The following PLCB4 variants were observed in gnomAD, a reference collection of about 807,000 sequenced individuals.
PLCB4 encodes the protein phospholipase C beta 4, also known as 1-phosphatidylinositol 4,5-bisphosphate phosphodiesterase beta-4.
Under a neutral mutation model 178.8 loss-of-function variants are expected in PLCB4, and 77 were observed. That is an observed-to-expected ratio of 0.43 (90% confidence interval 0.36 to 0.52). PLCB4 has a LOEUF of 0.52. PLCB4 is among the 20% of genes least tolerant of loss of function. The probability of loss-of-function intolerance (pLI) is 0.00; values close to 1 mark genes in which losing one functional copy is unlikely to be tolerated. For missense variants in PLCB4, 1,024 were observed against 1,453.4 expected (o/e 0.70, Z 4.80); for synonymous variants, 496 against 490.8 (o/e 1.01, Z -0.14).
chr20:9,080,827 T>G (rs2090107304), intron 1 of PLCB4, among the ~76,000 whole-genome samples: 1 of 152,186 alleles, frequency 6.6e-6, no homozygotes. Context: ...TATGGGGACT[T>G]TCAAATCAAA....
chr20:9,281,983 T>C (rs889861499), intron 3 of PLCB4, among the ~76,000 whole-genome samples: 3 of 152,026 alleles, frequency 2.0e-5, no homozygotes, highest in Admixed American at 6.6e-5. Flanking sequence ...TATAAAATGC[T>C]ATTATAAAAT....
intron 2 of PLCB4, among the ~76,000 whole-genome samples, chr20:9,164,862 G>A (rs567066319): frequency 9.8e-5 from 15 of 152,304 alleles, no homozygotes; most frequent in African/African-American, 3.6e-4. Flanking sequence ...ACTTGAGACT[G>A]ATGGAAACGT....
Position 9,408,712 on chromosome 20 carries a change from T to G in PLCB4, c.1869T>G (p.Phe623Leu). ...LGYLKTHAIE[F>L]VNYNKRQMSR... ...ACTTGAAGACACATGCAATTGAATT[T>G]GTCAAGTATCCTTATGTATCAAGTG... Residue 623 changes from phenylalanine to leucine, a missense_variant, in exon 23 of 40, where the codon TTT becomes TTG. Transcript: ENST00000378473. The G allele has an allele frequency of 6.5e-7, 1 of 1,533,012 alleles. No homozygotes were observed. The highest frequency in any genetic ancestry group is 9.0e-7 in the Non-Finnish European group (1 of 1,106,544). The allele number at this position is 1,533,012 out of a possible 1,614,324, so 95.0% of individuals were successfully genotyped here.
At chr20:9,122,575 T>C (rs2091994040) in intron 2 of PLCB4, among the ~76,000 whole-genome samples, 1 of 152,164 alleles carries the variant, frequency 6.6e-6, no homozygotes, top group African/African-American at 2.4e-5. Context: ...CACAAGACAA[T>C]ATAGATTAAC....
At chr20:9,077,320 C>T (rs2146494506) in intron 1 of PLCB4, among the ~76,000 whole-genome samples, 1 of 152,268 alleles carries the variant, frequency 6.6e-6, no homozygotes, top group South Asian at 2.1e-4. Context: ...AGAAATGGAA[C>T]TATTTGGTCA....
intron 3 of PLCB4, among the ~76,000 whole-genome samples, chr20:9,232,489 A>C (rs1195485437): frequency 6.6e-6 from 1 of 152,148 alleles, no homozygotes; most frequent in Non-Finnish European, 1.5e-5. Context: ...TAAACAAGAA[A>C]ACCATTCAGA....
At chr20:9,452,677 C>T (rs1023690494) in intron 32 of PLCB4, among the ~76,000 whole-genome samples, 4 of 152,226 alleles carry the variant, frequency 2.6e-5, no homozygotes, top group South Asian at 4.1e-4. Flanking sequence ...TCAATGGTTA[C>T]GTGAAGCAGA....
intron 2 of PLCB4, among the ~76,000 whole-genome samples, chr20:9,176,725 T>C (rs991274038): frequency 6.6e-6 from 1 of 152,174 alleles, no homozygotes; most frequent in Non-Finnish European, 1.5e-5. Context: ...TTAAACTACA[T>C]ATAAGTAATT....
At chr20:9,255,941 T>G (rs1483611544) in intron 3 of PLCB4, among the ~76,000 whole-genome samples, 2 of 152,088 alleles carry the variant, frequency 1.3e-5, no homozygotes, top group Non-Finnish European at 2.9e-5. Context: ...CATATATATA[T>G]ATATACACAC....
At chr20:9,234,905 C>A (rs1330033341) in intron 3 of PLCB4, among the ~76,000 whole-genome samples, 1 of 152,156 alleles carries the variant, frequency 6.6e-6, no homozygotes, top group South Asian at 2.1e-4. Context: ...TGTCCTCATG[C>A]ATTTAAAGTA....
At position 9,442,734 on chromosome 20, in the gene PLCB4, T is replaced by C. The variant is rs189766291; in HGVS notation, c.2765-1247T>C. ...CTGCCTCAGTCACTAGAGAGACAGC[T>C]TGTGAAAGCCAACTTAGGAGATCAG... On this transcript the variant is annotated intron_variant, in intron 30 of 39. Coordinates refer to ENST00000378473, the MANE Select transcript of PLCB4 (RefSeq NM_001377142.1). 6.4e-4 allele frequency among the ~76,000 whole-genome samples: 97 copies of C among 152,234 alleles called. No individual in the cohort carries two copies. The Middle Eastern group carries it at 0.01, about 16-fold the overall frequency.
intron 20 of PLCB4, among the ~76,000 whole-genome samples, chr20:9,403,577 G>T (rs1185195574): frequency 6.6e-6 from 1 of 152,228 alleles, no homozygotes; most frequent in East Asian, 1.9e-4. Flanking sequence ...CAGCCATGTG[G>T]TGGAAGATTT....
At chr20:9,194,556 CA>C (rs2093445241) in intron 2 of PLCB4, among the ~76,000 whole-genome samples, 4 of 151,548 alleles carry the variant, frequency 2.6e-5, no homozygotes, top group African/African-American at 7.3e-5. Flanking sequence ...GGCGTGGTGG[CA>C]GGCCAGGCGC....
intron 7 of PLCB4, among the ~76,000 whole-genome samples, chr20:9,343,092 T>C (rs970327962): frequency 6.6e-6 from 1 of 152,178 alleles, no homozygotes; most frequent in Admixed American, 6.6e-5. Context: ...TGTATTTTGT[T>C]TGTCTTATAA....
intron 2 of PLCB4, among the ~76,000 whole-genome samples, chr20:9,213,594 G>T (rs2093697147): frequency 6.6e-6 from 1 of 152,040 alleles, no homozygotes; most frequent in Non-Finnish European, 1.5e-5. Flanking sequence ...TTTACAATTG[G>T]GCTATTATGA....
At chr20:9,396,869 T>C (rs1374472285) in intron 19 of PLCB4, among the ~76,000 whole-genome samples, 1 of 152,242 alleles carries the variant, frequency 6.6e-6, no homozygotes, top group Non-Finnish European at 1.5e-5. Flanking sequence ...CTGACAATTA[T>C]CTAAACCTGC....
At chr20:9,283,147 TC>T (rs1568520173) in intron 3 of PLCB4, among the ~76,000 whole-genome samples, 6 of 151,826 alleles carry the variant, frequency 4.0e-5, no homozygotes, top group Admixed American at 2.6e-4. Flanking sequence ...GGTAAATATA[TC>T]CCCCCAGAAG....
chr20:9,432,068 A>G (rs959578860), intron 28 of PLCB4, among the ~76,000 whole-genome samples: 1 of 152,220 alleles, frequency 6.6e-6, no homozygotes, highest in Non-Finnish European at 1.5e-5. Context: ...AGTTTGATAT[A>G]GAAAATCAAT....
At chr20:9,471,417 G>A (rs1277591239) in intron 36 of PLCB4, among the ~76,000 whole-genome samples, 1 of 151,626 alleles carries the variant, frequency 6.6e-6, no homozygotes, top group Non-Finnish European at 1.5e-5. Flanking sequence ...GAGAGAGAAA[G>A]CACGAATTAG....
Sources: allele counts gnomAD v4.1 joint callset (sites outside exome capture counted in the v4.1 genomes callset), GRCh38; gene constraint gnomAD v4.1.1; transcripts MANE v1.5; gene names NCBI Gene and HGNC (gene_info 2026-07-23, HGNC 2026-07-21).